Variants in ZSCAN5A observed in about 807,000 individuals in gnomAD.
ZSCAN5A encodes zinc finger and SCAN domain containing 5A, also known as zinc finger and SCAN domain-containing protein 5A.
In ZSCAN5A, 12 loss-of-function variants were observed where a neutral mutation model predicts 23.7. That is an observed-to-expected ratio of 0.51 (90% CI 0.32 to 0.82). ZSCAN5A has a LOEUF of 0.82. Among genes scored for constraint, ZSCAN5A ranks in the 40% least tolerant of loss-of-function variants. The pLI, the probability that ZSCAN5A is intolerant of heterozygous loss-of-function variation, is 0.03. For missense variants in ZSCAN5A, 597 were observed against 617.9 expected (o/e 0.97, Z 0.36); for synonymous variants, 257 against 239.9 (o/e 1.07, Z -0.66).
intron 2 of ZSCAN5A, among the ~76,000 whole-genome samples, chr19:56,250,476 G>C (rs193279077): frequency 5.0e-4 from 76 of 152,196 alleles, no homozygotes; most frequent in African/African-American, 1.8e-3. Flanking sequence ...TAAAATGCAG[G>C]GTCTGATTCA....
intron 2 of ZSCAN5A, among the ~76,000 whole-genome samples, chr19:56,252,295 G>C (rs1375507463): frequency 1.3e-5 from 2 of 152,216 alleles, no homozygotes; most frequent in South Asian, 4.1e-4. Flanking sequence ...CCTGGCTTGA[G>C]CAGGTGAGAG....
At chr19:56,353,738 T>C (rs12104315) in intron 2 of ZSCAN5A, among the ~76,000 whole-genome samples, 29,651 of 151,800 alleles carry the variant, frequency 0.2, 3,319 homozygotes, top group Middle Eastern at 0.38. Context: ...ACCGAGATCG[T>C]GCCACTGCAC....
At chr19:56,340,166 A>C (rs1239679354) in intron 2 of ZSCAN5A, among the ~76,000 whole-genome samples, 3 of 152,140 alleles carry the variant, frequency 2.0e-5, no homozygotes, top group East Asian at 1.9e-4. Flanking sequence ...AACTGGACCT[A>C]GAAGGATGGT....
chr19:56,252,869 C>T lies in ZSCAN5A; in HGVS notation c.-127-27696G>A, dbSNP rs1474776425. On this transcript the variant is annotated intron_variant, in intron 2 of 5. Transcript: ENST00000683990. The stretch of plus-strand genomic sequence containing the variant: ...GTGGTAAGGCAGCCACAGGCAGGAG[C>T]TGGGGTCGTGAACACGCCAGGGGGC... 2.6e-5 allele frequency among the ~76,000 whole-genome samples: 4 copies of T among 152,150 alleles called. 1 individual carries two copies. Among genetic ancestry groups the T allele is most frequent in the Non-Finnish European group, 5.9e-5 (4 of 68,026 alleles).
chr19:56,231,893 T>G (rs897305102), intron 2 of ZSCAN5A, among the ~76,000 whole-genome samples: 1 of 152,094 alleles, frequency 6.6e-6, no homozygotes, highest in Non-Finnish European at 1.5e-5. Flanking sequence ...AGGCTCTTCA[T>G]CATCTGTCCC....
chr19:56,284,976 T>G (rs1303110149), intron 2 of ZSCAN5A: 3 of 983,430 alleles, frequency 3.1e-6, no homozygotes, highest in Non-Finnish European at 3.6e-6. Context: ...TTGCACATCA[T>G]GTGTTATGTC....
chr19:56,318,285 T>C (rs752589426), upstream of ZSCAN5A, among the ~76,000 whole-genome samples: 5 of 152,216 alleles, frequency 3.3e-5, no homozygotes, highest in Non-Finnish European at 5.9e-5. Context: ...CCGGTTCTTA[T>C]TCAGTTCAAA....
At chr19:56,263,308 A>AGCCCTCCAATGT (rs2037249810) in intron 2 of ZSCAN5A, 1 of 152,236 alleles carries the variant, frequency 6.6e-6, no homozygotes, top group African/African-American at 2.4e-5. Flanking sequence ...TATGAGGAAT[A>AGCCCTCCAATGT]GCCCTCCAAT....
At chr19:56,257,284 C>A (rs1039389771) in intron 2 of ZSCAN5A, among the ~76,000 whole-genome samples, 3 of 152,132 alleles carry the variant, frequency 2.0e-5, no homozygotes, top group African/African-American at 7.2e-5. Flanking sequence ...ACGTTAGAAT[C>A]CCTGGAACCA....
At chr19:56,346,341 A>C (rs2041632529) in intron 2 of ZSCAN5A, among the ~76,000 whole-genome samples, 1 of 152,148 alleles carries the variant, frequency 6.6e-6, no homozygotes, top group Non-Finnish European at 1.5e-5. Context: ...CTCTTTGGCC[A>C]AGACAATCCC....
chr19:56,324,549 AG>A (rs1486491357), intron 2 of ZSCAN5A, among the ~76,000 whole-genome samples: 1 of 151,822 alleles, frequency 6.6e-6, no homozygotes, highest in Admixed American at 6.6e-5. Flanking sequence ...AAAGTAAATT[AG>A]TACAGCCACT....
At chr19:56,344,859 C>T (rs889101539) in intron 2 of ZSCAN5A, among the ~76,000 whole-genome samples, 3 of 136,746 alleles carry the variant, frequency 2.2e-5, no homozygotes, top group Non-Finnish European at 4.6e-5. Context: ...GCCGAGATTG[C>T]GCCACTGCAG....
chr19:56,244,558 AG>A (rs1333120862), intron 2 of ZSCAN5A: 1 of 1,095,798 alleles, frequency 9.1e-7, no homozygotes, highest in East Asian at 2.4e-5. Context: ...TTTGCCCATC[AG>A]GGACACATGG....
intron 2 of ZSCAN5A, among the ~76,000 whole-genome samples, chr19:56,248,097 T>G (rs1434172763): frequency 6.6e-6 from 1 of 152,210 alleles, no homozygotes; most frequent in East Asian, 1.9e-4. Flanking sequence ...AAATTAAAGT[T>G]GTCAAAGTAG....
chr19:56,323,472 C>CA (rs1312399849), intron 2 of ZSCAN5A, among the ~76,000 whole-genome samples: 1 of 149,128 alleles, frequency 6.7e-6, no homozygotes, highest in Non-Finnish European at 1.5e-5. Context: ...CTGTGCCTGG[C>CA]AAAAAAATAT....
intron 1 of ZSCAN5A, chr19:56,364,840 C>T (rs1473876676): frequency 6.6e-6 from 1 of 152,138 alleles, no homozygotes; most frequent in African/African-American, 2.4e-5. Context: ...CTAAGAAGGC[C>T]AAGAACTGGC....
At chr19:56,259,170 T>C (rs2036942405) in intron 2 of ZSCAN5A, among the ~76,000 whole-genome samples, 1 of 152,176 alleles carries the variant, frequency 6.6e-6, no homozygotes, top group African/African-American at 2.4e-5. Context: ...TACAGATAAC[T>C]GGAACAGCAT....
intron 2 of ZSCAN5A, among the ~76,000 whole-genome samples, chr19:56,231,544 ACG>A (rs1370539831): frequency 5.3e-5 from 8 of 152,068 alleles, no homozygotes; most frequent in African/African-American, 1.4e-4. Flanking sequence ...TCCCCACCTC[ACG>A]TAAAGGTGGC....
chr19:56,298,964 C>T (rs948840332), intron 2 of ZSCAN5A, among the ~76,000 whole-genome samples: 1 of 152,130 alleles, frequency 6.6e-6, no homozygotes, highest in African/African-American at 2.4e-5. Context: ...TGCAATTTGG[C>T]AATACATGTT....
Sources: allele counts gnomAD v4.1 joint callset (sites outside exome capture counted in the v4.1 genomes callset), GRCh38; gene constraint gnomAD v4.1.1; transcripts MANE v1.5; gene names NCBI Gene and HGNC (gene_info 2026-07-23, HGNC 2026-07-21).